Variants in TNFRSF11B observed in about 807,000 individuals in gnomAD.
The protein encoded by TNFRSF11B is tumor necrosis factor receptor superfamily member 11B.
A neutral mutation model predicts 43.4 loss-of-function variants in TNFRSF11B; 16 were observed. The observed-to-expected ratio is 0.37, with a 90% confidence interval of 0.25 to 0.56. The LOEUF (loss-of-function observed/expected upper bound fraction) is 0.56, where lower values mean the gene tolerates loss of function less well. Ranked by LOEUF, TNFRSF11B falls within the 20% of genes least tolerant of loss-of-function variation. The probability of loss-of-function intolerance (pLI) is 0.80; values close to 1 mark genes in which losing one functional copy is unlikely to be tolerated. For missense variants in TNFRSF11B, 444 were observed against 490.1 expected, an observed-to-expected ratio of 0.91 and a Z score of 0.89; for synonymous variants, 185 against 181.8, an observed-to-expected ratio of 1.02 and a Z score of -0.14.
At chr8:118,947,768 T>TGTTC (rs1472578350) in intron 1 of TNFRSF11B, among the ~76,000 whole-genome samples, 1 of 152,204 alleles carries the variant, frequency 6.6e-6, no homozygotes, top group Non-Finnish European at 1.5e-5. Flanking sequence ...TAGCAACATT[T>TGTTC]GTTCACCATT....
intron 2 of TNFRSF11B, among the ~76,000 whole-genome samples, chr8:118,932,163 T>C (rs1270828598): frequency 2.0e-5 from 3 of 152,314 alleles, no homozygotes; most frequent in East Asian, 3.9e-4. Flanking sequence ...TCTCAAGCTA[T>C]GAAAAGTTAT....
At chr8:118,940,801 T>A (rs1812475042) in intron 1 of TNFRSF11B, among the ~76,000 whole-genome samples, 1 of 152,208 alleles carries the variant, frequency 6.6e-6, no homozygotes, top group Admixed American at 6.5e-5. Context: ...AGTTTCAGTA[T>A]CTTCCCAATT....
In TNFRSF11B at chr8:118,924,122, T is replaced by C; in HGVS notation, c.*252A>G. On this transcript the variant is annotated 3_prime_UTR_variant, in exon 5 of 5. Transcript: ENST00000297350. ...TTTTTTTAATTTCCAGTTGAATTAC[T>C]GCAAGCAGTAATAAGGGAAAATATA... is the stretch of plus-strand genomic sequence containing the variant. 2.8e-6 allele frequency: 1 copy of C among 363,378 alleles called. No homozygotes were observed. The highest frequency in any genetic ancestry group is 5.0e-5 in the South Asian group (1 of 20,198). 22.5% of individuals were successfully genotyped at this position (363,378 alleles called of 1,614,324 possible). A position where few individuals can be genotyped will look rare whatever the true frequency, so the allele number is the denominator to read the frequency against.
chr8:118,929,498 G>A (rs181948839), intron 2 of TNFRSF11B, among the ~76,000 whole-genome samples: 12 of 152,300 alleles, frequency 7.9e-5, no homozygotes, highest in South Asian at 2.1e-4. Flanking sequence ...AAAGTTGGCC[G>A]CTGACTCAAA....
intron 1 of TNFRSF11B, among the ~76,000 whole-genome samples, chr8:118,937,861 A>G (rs1057253105): frequency 2.6e-5 from 4 of 152,232 alleles, no homozygotes; most frequent in African/African-American, 4.8e-5. Flanking sequence ...GAAAGGCAGC[A>G]TGAGACTTAG....
At chr8:118,935,601 T>C (rs1812394888) in intron 1 of TNFRSF11B, among the ~76,000 whole-genome samples, 1 of 152,156 alleles carries the variant, frequency 6.6e-6, no homozygotes, top group Non-Finnish European at 1.5e-5. Context: ...ATAATATATA[T>C]AGGAGAATTA....
chr8:118,926,696 T>A lies in TNFRSF11B; in HGVS notation c.615A>T (p.Ala205=). Reference sequence around the variant, plus strand: ...TTGTAGGAACAGCAAACCTGAAGAATGCCTCCTCACACAGGGTAACATCTA... The same window carrying A: ...TTGTAGGAACAGCAAACCTGAAGAAAGCCTCCTCACACAGGGTAACATCTA... ...CGIDVTLCEE[A]FFRFAVPTKF... The change falls in exon 4 of 5, where the codon GCA becomes GCT. Residue 205 remains alanine, a synonymous_variant. Coordinates refer to ENST00000297350, the MANE Select transcript of TNFRSF11B (RefSeq NM_002546.4). The A allele has an allele frequency of 1.9e-6, 3 of 1,613,928 alleles. No individual in the cohort carries two copies. The highest frequency in any genetic ancestry group is 2.5e-6 in the Non-Finnish European group (3 of 1,179,906).
Position 118,924,287 on chromosome 8 carries a change from A to C in TNFRSF11B, c.*87T>G. On this transcript the variant is annotated 3_prime_UTR_variant, in exon 5 of 5. Coordinates refer to ENST00000297350, the MANE Select transcript of TNFRSF11B (RefSeq NM_002546.4). ...AGTCACTGGTAATGAGAAAGATATC[A>C]CTGAAAGCCTCAAGTGCCTGAGAAA... is the stretch of plus-strand genomic sequence containing the variant. 6.7e-7 allele frequency: 1 copy of C among 1,490,466 alleles called. No homozygotes were observed. The highest frequency in any genetic ancestry group is 9.3e-7 in the Non-Finnish European group (1 of 1,074,844). The allele number at this position is 1,490,466 out of a possible 1,614,324, so 92.3% of individuals were successfully genotyped here.
chr8:118,924,572 A>G lies in TNFRSF11B; in HGVS notation c.1008T>C (p.Asn336=), dbSNP rs1586952470. The G allele has an allele frequency of 6.2e-7, 1 of 1,614,104 alleles. No individual in the cohort carries two copies. Among genetic ancestry groups the G allele is most frequent in the South Asian group, 1.1e-5 (1 of 91,088 alleles). The stretch of plus-strand genomic sequence containing the variant: ...GGCCCTTCAAGGTGTCTTGGTCGCC[A>G]TTTTTTATTCGCCACAAACTGAGCA... ...LKLLSLWRIK[N]GDQDTLKGLM... Residue 336 remains asparagine, a synonymous_variant, in exon 5 of 5, where the codon AAT becomes AAC. Transcript: ENST00000297350.
chr8:118,928,532 G>A (rs1812278293), intron 3 of TNFRSF11B, among the ~76,000 whole-genome samples: 1 of 152,190 alleles, frequency 6.6e-6, no homozygotes, highest in South Asian at 2.1e-4. Context: ...CAAGCTTTGA[G>A]GTGTTATCTG....
At chr8:118,950,695 C>T (rs1356937968) in intron 1 of TNFRSF11B, among the ~76,000 whole-genome samples, 2 of 152,202 alleles carry the variant, frequency 1.3e-5, no homozygotes, top group Admixed American at 6.5e-5. Context: ...GTTATACACA[C>T]ACACACATAC....
At chr8:118,951,724 G>A (rs1812649348) in intron 1 of TNFRSF11B, 68 bp downstream of exon 1, 6 of 1,466,518 alleles carry the variant, frequency 4.1e-6, no homozygotes, top group South Asian at 1.2e-5. Flanking sequence ...TCCGCTGGGA[G>A]GTTGGGAGAC....
intron 1 of TNFRSF11B, among the ~76,000 whole-genome samples, chr8:118,946,146 T>G (rs1334561073): frequency 6.6e-6 from 1 of 152,140 alleles, no homozygotes; most frequent in Non-Finnish European, 1.5e-5. Flanking sequence ...CCATTTATGG[T>G]GTGGCTGATT....
At chr8:118,940,178 C>T (rs373451081) in intron 1 of TNFRSF11B, among the ~76,000 whole-genome samples, 9 of 152,020 alleles carry the variant, frequency 5.9e-5, no homozygotes, top group Admixed American at 2.0e-4. Context: ...CAGGGCCTGT[C>T]GTGGGGTGGG....
intron 1 of TNFRSF11B, among the ~76,000 whole-genome samples, chr8:118,941,158 A>G (rs923125513): frequency 6.6e-6 from 1 of 152,172 alleles, no homozygotes; most frequent in South Asian, 2.1e-4. Flanking sequence ...TTCATCTCAC[A>G]TGGTGTTTTG....
rs1812211668 is a variant in TNFRSF11B, at chr8:118,923,782, G to T, written c.*592C>A. 6.6e-6 allele frequency: 1 copy of T among 152,332 alleles called. No homozygotes were observed. The highest frequency in any genetic ancestry group is 1.5e-5 in the Non-Finnish European group (1 of 68,046). 9.4% of individuals were successfully genotyped at this position (152,332 alleles called of 1,614,324 possible). A position where few individuals can be genotyped will look rare whatever the true frequency, so the allele number is the denominator to read the frequency against. On this transcript the variant is annotated 3_prime_UTR_variant, in exon 5 of 5. Coordinates refer to ENST00000297350, the MANE Select transcript of TNFRSF11B (RefSeq NM_002546.4). ...AAAATACTCCACACAGAAAAATATG[G>T]CAGTACCTATTAGAAAAATGCTACA...
In TNFRSF11B at chr8:118,934,865, G is replaced by A. The variant is rs1483949131; in HGVS notation, c.31-1565C>T. Among the ~76,000 whole-genome samples the A allele has an allele frequency of 2.0e-5, 3 of 152,192 alleles. No homozygotes were observed. In the East Asian group the frequency reaches 5.8e-4, roughly 29 times the overall value. On this transcript the variant is annotated intron_variant, in intron 1 of 4. Coordinates refer to ENST00000297350, the MANE Select transcript of TNFRSF11B (RefSeq NM_002546.4). The stretch of plus-strand genomic sequence containing the variant: ...GGAAACAGCACACCCTTTTGAATTA[G>A]GGGTGGCAAAGATAAAGAATGGCCT...
Position 118,924,587 on chromosome 8 carries a change from C to T in TNFRSF11B, c.993G>A (p.Leu331=). ...PSDQILKLLS[L]WRIKNGDQDT... is the part of the protein sequence containing the mutation. The stretch of plus-strand genomic sequence containing the variant: ...CTTGGTCGCCATTTTTTATTCGCCA[C>T]AAACTGAGCAGCTTCAGGATCTGGT... Residue 331 remains leucine, a synonymous_variant, in exon 5 of 5, where the codon TTG becomes TTA. Transcript: ENST00000297350. The T allele has an allele frequency of 6.2e-7, 1 of 1,614,170 alleles. No individual in the cohort carries two copies. The highest frequency in any genetic ancestry group is 1.1e-5 in the South Asian group (1 of 91,090).
chr8:118,933,196 A>G lies in TNFRSF11B; in HGVS notation c.135T>C (p.Pro45=). The stretch of plus-strand genomic sequence containing the variant: ...AGTGTTGTTTTAGGTAGGTACCAGG[A>G]GGACATTTGTCACACAACAGCTGAT... ...TSHQLLCDKC[P]PGTYLKQHCT... is the part of the protein sequence containing the mutation. The change falls in exon 2 of 5, where the codon CCT becomes CCC. Residue 45 remains proline (P), a synonymous_variant. Coordinates refer to ENST00000297350, the MANE Select transcript of TNFRSF11B (RefSeq NM_002546.4). 1.9e-6 allele frequency: 3 copies of G among 1,614,234 alleles called. No individual in the cohort carries two copies. The highest frequency in any genetic ancestry group is 1.1e-5 in the South Asian group (1 of 91,086).
Sources: allele counts gnomAD v4.1 joint callset (sites outside exome capture counted in the v4.1 genomes callset), GRCh38; gene constraint gnomAD v4.1.1; transcripts MANE v1.5; gene names NCBI Gene and HGNC (gene_info 2026-07-23, HGNC 2026-07-21).